The following CEP164 variants were observed in gnomAD, a reference collection of about 807,000 sequenced individuals.
CEP164 encodes centrosomal protein 164.
In CEP164, 162 loss-of-function variants were observed where a neutral mutation model predicts 182.7. The ratio of observed to expected loss-of-function variants is 0.89; its 90% confidence interval spans 0.78 to 1.01. The LOEUF is 1.01. Among genes scored for constraint, CEP164 ranks in the 50% least tolerant of loss-of-function variants. CEP164 has a pLI of 0.00. For synonymous variants in CEP164, 661 were observed against 690.0 expected (o/e 0.96, Z 0.66); for missense variants, 1,735 against 1,790.4 (o/e 0.97, Z 0.56).
rs532934684 is a variant in CEP164 at position 117,409,163 on chromosome 11, G to A, written c.3748+135G>A. On this transcript the variant is annotated intron_variant, in intron 29 of 32. Transcript: ENST00000278935. This position sits in a 1 kb window ranked among gnomAD's most constrained non-coding sequence, Gnocchi z 4.4. ...GAGCCGGTGTCTGGACTAGGTGCTCGGTCAGTGCTGGGAAGGAATCACACC... is the reference window on the plus strand; with the variant it reads ...GAGCCGGTGTCTGGACTAGGTGCTCAGTCAGTGCTGGGAAGGAATCACACC... The A allele has an allele frequency of 5.1e-6, 6 of 1,182,102 alleles. No individual in the cohort carries two copies. Among genetic ancestry groups the A allele is most frequent in the South Asian group, 1.5e-5 (1 of 68,530 alleles). 73.2% of individuals were successfully genotyped at this position (1,182,102 alleles called of 1,614,324 possible).
At chr11:117,335,403 G>A (rs977393623) in intron 1 of CEP164, among the ~76,000 whole-genome samples, 1 of 152,038 alleles carries the variant, frequency 6.6e-6, no homozygotes, top group Non-Finnish European at 1.5e-5. Context: ...ACCATGTCTT[G>A]TGAGTCCTAA....
chr11:117,396,501 G>T (rs2045484802), intron 25 of CEP164, 49 bp from the exon 26 acceptor site: 1 of 1,484,896 alleles, frequency 6.7e-7, no homozygotes, highest in Non-Finnish European at 9.4e-7. Context: ...AACCTGCAGG[G>T]TGTCTGCTTT....
At position 117,409,751 on chromosome 11, in the gene CEP164, C is replaced by A; in HGVS notation, c.3882C>A (p.Leu1294=). The change falls in exon 30 of 33, where the codon CTC becomes CTA. Residue 1294 remains leucine (L), a synonymous_variant. Coordinates refer to ENST00000278935, the MANE Select transcript of CEP164 (RefSeq NM_014956.5). The surrounding 1 kb of genome is among the most constrained non-coding windows in gnomAD (Gnocchi z 4.4). Reference sequence around the variant, plus strand: ...ACCCTCAGTCGCCGCCGCCGCTCCTCGCCTCCATGCCAGCCCAGCTCCCTC... The same window carrying A: ...ACCCTCAGTCGCCGCCGCCGCTCCTAGCCTCCATGCCAGCCCAGCTCCCTC... The part of the protein sequence containing the change: ...SLNPQSPPPL[L]ASMPAQLPPR... The A allele has an allele frequency of 6.2e-7, 1 of 1,614,046 alleles. No homozygotes were observed. The highest frequency in any genetic ancestry group is 8.5e-7 in the Non-Finnish European group (1 of 1,179,952).
At chr11:117,410,031 C>T in intron 30 of CEP164, 66 bp downstream of exon 30, 1 of 1,432,348 alleles carries the variant, frequency 7.0e-7, no homozygotes, top group African/African-American at 1.4e-5. Flanking sequence ...TCCTTTTCTT[C>T]TACCCTCTTT....
chr11:117,367,309 T>A (rs2041754160), intron 8 of CEP164, among the ~76,000 whole-genome samples: 5 of 152,240 alleles, frequency 3.3e-5, no homozygotes, highest in Admixed American at 3.3e-4. Flanking sequence ...TGAGGTGCTG[T>A]CCTGTGGTTG....
intron 26 of CEP164, 57 bp from the exon 27 acceptor site, chr11:117,397,034 A>G: frequency 6.7e-7 from 1 of 1,493,656 alleles, no homozygotes. Context: ...GGGCTGTGTG[A>G]CCCAGAGCAG....
chr11:117,411,499 T>A lies in CEP164; in HGVS notation c.4164-296T>A, dbSNP rs2047354687. Reference sequence around the variant, plus strand: ...AGCTGATGCTGGCCAAGGATTGAGTTGACAGAGGGGAGCGCTTTGCTGATG... The same window carrying A: ...AGCTGATGCTGGCCAAGGATTGAGTAGACAGAGGGGAGCGCTTTGCTGATG... On this transcript the variant is annotated intron_variant, in intron 31 of 32. Transcript: ENST00000278935. The surrounding 1 kb of genome is among the most constrained non-coding windows in gnomAD (Gnocchi z 4.4). 2 of 363,134 alleles carry A rather than the reference T, an allele frequency of 5.5e-6. No individual in the cohort carries two copies. Among genetic ancestry groups the A allele is most frequent in the East Asian group, 1.2e-4 (2 of 16,298 alleles). The allele number at this position is 363,134 out of a possible 1,614,324, so 22.5% of individuals were successfully genotyped here. A position where few individuals can be genotyped will look rare whatever the true frequency, so the allele number is the denominator to read the frequency against.
intron 3 of CEP164, among the ~76,000 whole-genome samples, chr11:117,342,347 T>A (rs2038243480): frequency 6.6e-6 from 1 of 152,246 alleles, no homozygotes; most frequent in South Asian, 2.1e-4. Flanking sequence ...GGCTCATTGG[T>A]GATGCCCTTC....
intron 30 of CEP164, 39 bp downstream of exon 30, chr11:117,410,004 C>T (rs1399608702): frequency 4.5e-6 from 7 of 1,545,932 alleles, no homozygotes; most frequent in Non-Finnish European, 4.5e-6. Context: ...CACCTGCCTC[C>T]TCCTCCTCCT....
chr11:117,410,111 T>G, intron 30 of CEP164, 146 bp downstream of exon 30: 1 of 799,500 alleles, frequency 1.3e-6, no homozygotes, highest in Non-Finnish European at 2.1e-6. Flanking sequence ...AACGTTACCA[T>G]AGTCCATTGG....
chr11:117,344,539 CA>C (rs1189889749), intron 4 of CEP164, among the ~76,000 whole-genome samples: 1 of 152,186 alleles, frequency 6.6e-6, no homozygotes, highest in Non-Finnish European at 1.5e-5. Flanking sequence ...TTCTCTAGCA[CA>C]AGCATCTGTT....
upstream of CEP164, among the ~76,000 whole-genome samples, chr11:117,325,976 C>CCTTGGCT (rs2035419998): frequency 7.1e-6 from 1 of 141,414 alleles, no homozygotes; most frequent in Admixed American, 7.5e-5. Context: ...AATGTCGAGA[C>CCTTGGCT]CTTGGCTTAC....
chr11:117,350,863 T>C (rs1169659582), intron 4 of CEP164, among the ~76,000 whole-genome samples: 2 of 152,322 alleles, frequency 1.3e-5, no homozygotes, highest in East Asian at 3.9e-4. Context: ...ATATAAAATA[T>C]TTTGCATTAC....
Position 117,335,312 on chromosome 11 carries a change from T to C in CEP164, c.-97-293T>C, listed in dbSNP as rs538536107. 1.1e-4 allele frequency among the ~76,000 whole-genome samples: 16 copies of C among 152,244 alleles called. No individual in the cohort carries two copies. In the South Asian group the frequency reaches 3.1e-3, roughly 30 times the overall value. The stretch of plus-strand genomic sequence containing the variant: ...GAAAGAAGCCCTTTTCCTTTGGTGT[T>C]TTCTTCCTGCTTGGAGGTGGCATGG... On this transcript the variant is annotated intron_variant, in intron 1 of 32. Coordinates refer to ENST00000278935, the MANE Select transcript of CEP164 (RefSeq NM_014956.5).
intron 9 of CEP164, 31 bp downstream of exon 9, chr11:117,371,497 G>A (rs1291537367): frequency 6.3e-7 from 1 of 1,580,244 alleles, no homozygotes; most frequent in Non-Finnish European, 8.6e-7. Flanking sequence ...GGCAGGGGTT[G>A]GCTGTAGCCC....
intron 19 of CEP164, among the ~76,000 whole-genome samples, 182 bp downstream of exon 19, chr11:117,392,809 C>T (rs1219808415): frequency 6.6e-6 from 1 of 152,124 alleles, no homozygotes; most frequent in African/African-American, 2.4e-5. Flanking sequence ...CAATCTGATG[C>T]CCCTGTATGC....
At chr11:117,326,474 C>G (rs182012329), upstream of CEP164, among the ~76,000 whole-genome samples, 17 of 152,148 alleles carry the variant, frequency 1.1e-4, no homozygotes, top group East Asian at 3.1e-3. Context: ...CTTAGGTGAT[C>G]CACCCGCCTT....
chr11:117,409,527 G>A lies in CEP164; in HGVS notation c.3749-91G>A. On this transcript the variant is annotated intron_variant, in intron 29 of 32. Transcript: ENST00000278935. This position sits in a 1 kb window ranked among gnomAD's most constrained non-coding sequence, Gnocchi z 4.4. ...TTGTCTGGAGAAGCAGGGAGGGGTG[G>A]CCAGTAGGGTCCTCCATGACAGCTG... 1.7e-6 allele frequency: 2 copies of A among 1,157,306 alleles called. No individual in the cohort carries two copies. Among genetic ancestry groups the A allele is most frequent in the Non-Finnish European group, 1.2e-6 (1 of 808,462 alleles). The allele number at this position is 1,157,306 out of a possible 1,614,324, so 71.7% of individuals were successfully genotyped here.
chr11:117,404,040 T>G (rs527298367), intron 27 of CEP164, among the ~76,000 whole-genome samples: 18 of 152,154 alleles, frequency 1.2e-4, no homozygotes, highest in Middle Eastern at 3.4e-3. Flanking sequence ...GTTATTCTAG[T>G]TAGCAATTCC....
Sources: allele counts gnomAD v4.1 joint callset (sites outside exome capture counted in the v4.1 genomes callset), GRCh38; gene constraint gnomAD v4.1.1; non-coding constraint Gnocchi (gnomAD v3.1); transcripts MANE v1.5; gene names NCBI Gene and HGNC (gene_info 2026-07-23, HGNC 2026-07-21).